WSCD1: variants seen among roughly 807,000 people sequenced by gnomAD.
WSCD1 encodes sialate:O-sulfotransferase 1.
A neutral mutation model predicts 60.4 loss-of-function variants in WSCD1; 41 were observed. The ratio of observed to expected loss-of-function variants is 0.68; its 90% CI spans 0.53 to 0.88. The LOEUF (loss-of-function observed/expected upper bound fraction) is 0.88. WSCD1 is among the 40% of genes least tolerant of loss of function. The pLI, the probability that WSCD1 is intolerant of heterozygous loss-of-function variation, is 0.00. For synonymous variants in WSCD1, 361 were observed against 332.5 expected, an observed-to-expected ratio of 1.09 and a Z score of -0.93; for missense variants, 784 against 796.2, an observed-to-expected ratio of 0.98 and a Z score of 0.18.
chr17:6,110,936 G>A lies in WSCD1; in HGVS notation c.1174+1G>A, dbSNP rs768644758. 6.3e-7 allele frequency: 1 copy of A among 1,594,206 alleles called. No individual in the cohort carries two copies. Among genetic ancestry groups the A allele is most frequent in the African/African-American group, 1.3e-5 (1 of 74,488 alleles). On this transcript the variant is annotated splice_donor_variant, in intron 7 of 8. Transcript: ENST00000317744. LOFTEE classifies it high-confidence loss of function. The surrounding 1 kb of genome is among the most constrained non-coding windows in gnomAD (Gnocchi z 4.8). ...TTTGATGGAACCCTCTACAACAAAG[G>A]TAAGTCAAAGCTACAGGGGACGATG...
At position 6,080,899 on chromosome 17, in the gene WSCD1, C is replaced by A; in HGVS notation, c.241C>A (p.Leu81Met). The change falls in exon 2 of 9, where the codon CTG becomes ATG. Residue 81 changes from leucine to methionine, a missense_variant. Coordinates refer to ENST00000317744, the MANE Select transcript of WSCD1 (RefSeq NM_015253.2). This position sits in a 1 kb window ranked among gnomAD's most constrained non-coding sequence, Gnocchi z 6.6. Reference sequence around the variant, plus strand: ...GCACGACCCTCGAGTCAGCCCAGAGCTGCTGCTGGGTGTGGACATGCTGCA... The same window carrying A: ...GCACGACCCTCGAGTCAGCCCAGAGATGCTGCTGGGTGTGGACATGCTGCA... ...ALHDPRVSPE[L>M]LLGVDMLQSP... The A allele has an allele frequency of 1.3e-6, 2 of 1,599,610 alleles. No homozygotes were observed. Among genetic ancestry groups the A allele is most frequent in the Non-Finnish European group, 1.7e-6 (2 of 1,177,058 alleles).
intron 8 of WSCD1, among the ~76,000 whole-genome samples, chr17:6,119,761 T>C (rs1904537417): frequency 6.6e-6 from 1 of 152,064 alleles, no homozygotes. Flanking sequence ...ATTGTGAAGA[T>C]TAGAGAAAGC....
Position 6,110,850 on chromosome 17 carries a change from G to A in WSCD1, c.1089G>A (p.Gly363=). The A allele has an allele frequency of 6.2e-7, 1 of 1,613,960 alleles. No homozygotes were observed. Among genetic ancestry groups the A allele is most frequent in the South Asian group, 1.1e-5 (1 of 91,052 alleles). ...FVALSSFPGA[G]NTWARHLIEH... ...CTTTGTCAAGCTTCCCAGGAGCCGG[G>A]AACACATGGGCACGGCACCTCATTG... The change falls in exon 7 of 9, where the codon GGG becomes GGA. Residue 363 remains glycine, a synonymous_variant. Coordinates refer to ENST00000317744, the MANE Select transcript of WSCD1 (RefSeq NM_015253.2). The surrounding 1 kb of genome is among the most constrained non-coding windows in gnomAD (Gnocchi z 4.8).
intron 5 of WSCD1, among the ~76,000 whole-genome samples, chr17:6,105,252 T>G (rs1911021538): frequency 6.6e-6 from 1 of 152,208 alleles, no homozygotes; most frequent in South Asian, 2.1e-4. Context: ...AGGATCAGGA[T>G]GAGGATGCAT....
chr17:6,094,450 A>G (rs1910256983), intron 4 of WSCD1, among the ~76,000 whole-genome samples: 1 of 152,162 alleles, frequency 6.6e-6, no homozygotes, highest in Non-Finnish European at 1.5e-5. Context: ...TTCCGGTAGG[A>G]CATTGAATTT....
intron 3 of WSCD1, 35 bp downstream of exon 3, chr17:6,088,139 G>A: frequency 1.3e-6 from 2 of 1,584,580 alleles, no homozygotes; most frequent in Non-Finnish European, 1.7e-6. Flanking sequence ...TGATTCTAGA[G>A]GCAGGAAGGT....
chr17:6,076,973 T>A lies in WSCD1; in HGVS notation c.-288-3398T>A, dbSNP rs570935157. Among the ~76,000 whole-genome samples, 3 of 152,256 alleles carry A rather than the reference T, an allele frequency of 2.0e-5. No homozygotes were observed. The South Asian group carries it at 6.2e-4, about 32-fold the overall frequency. On this transcript the variant is annotated intron_variant, in intron 1 of 8. Transcript: ENST00000317744. ...GAACATGGAGATAAACGAGGTGTGGTCTGTGCCCTGGAGGGGGGCTGCCAG... is the reference window on the plus strand; with the variant it reads ...GAACATGGAGATAAACGAGGTGTGGACTGTGCCCTGGAGGGGGGCTGCCAG...
chr17:6,094,988 G>T (rs186522840), intron 4 of WSCD1, 114 bp from the exon 5 acceptor site: 5 of 1,468,762 alleles, frequency 3.4e-6, no homozygotes, highest in African/African-American at 2.9e-5. Context: ...ATTTGAACTC[G>T]CCTCGTAAGT....
In WSCD1 at chr17:6,120,368, C is replaced by T; in HGVS notation, c.1435C>T (p.Leu479Phe). 1.2e-6 allele frequency: 2 copies of T among 1,614,156 alleles called. No individual in the cohort carries two copies. Among genetic ancestry groups the T allele is most frequent in the African/African-American group, 1.3e-5 (1 of 75,080 alleles). ...SWWSSHVLDW[L>F]KYGKRLLVVH... is the part of the protein sequence containing the mutation. ...GTGGTCCTCGCACGTCCTGGACTGG[C>T]TCAAGTACGGGAAGCGGCTGCTGGT... The change falls in exon 9 of 9, where the codon CTC (leucine) becomes TTC (phenylalanine). Residue 479 changes from leucine to phenylalanine, a missense_variant. Leu to Phe is a conservative substitution (Grantham distance 22). Transcript: ENST00000317744.
In WSCD1 at chr17:6,109,714, T is replaced by C; in HGVS notation, c.957T>C (p.Pro319=). Residue 319 remains proline (P), a synonymous_variant, in exon 6 of 9, where the codon CCT becomes CCC. Coordinates refer to ENST00000317744, the MANE Select transcript of WSCD1 (RefSeq NM_015253.2). ...AMDSSVCGQD[P]EAQRLAEYCE... ...ACAGCTCAGTATGTGGCCAGGACCC[T>C]GAGGCACAGAGGCTGGCAGAATACT... The C allele has an allele frequency of 6.2e-7, 1 of 1,614,102 alleles. No homozygotes were observed. The highest frequency in any genetic ancestry group is 1.1e-5 in the South Asian group (1 of 91,052).
chr17:6,074,966 A>G (rs1908756973), intron 1 of WSCD1, among the ~76,000 whole-genome samples: 1 of 152,094 alleles, frequency 6.6e-6, no homozygotes, highest in Non-Finnish European at 1.5e-5. Flanking sequence ...GGGGAAAGTC[A>G]CAGGAGGGGA....
intron 5 of WSCD1, among the ~76,000 whole-genome samples, chr17:6,102,295 C>A (rs561414857): frequency 3.9e-5 from 6 of 152,190 alleles, no homozygotes; most frequent in African/African-American, 1.4e-4. Flanking sequence ...CCAATAGATT[C>A]GGTCTATCCA....
In WSCD1 at chr17:6,075,613, G is replaced by T. The variant is rs1196825377; in HGVS notation, c.-288-4758G>T. ...CCCTGAGACTTCCAGAAGCCCATTT[G>T]TTCTGTTACTCTCTTCTCATGCTTG... On this transcript the variant is annotated intron_variant, in intron 1 of 8. Transcript: ENST00000317744. The surrounding 1 kb of genome is among the most constrained non-coding windows in gnomAD (Gnocchi z 4.1). Among the ~76,000 whole-genome samples the T allele has an allele frequency of 1.3e-5, 2 of 152,170 alleles. No individual in the cohort carries two copies. The highest frequency in any genetic ancestry group is 4.8e-5 in the African/African-American group (2 of 41,452).
intron 4 of WSCD1, among the ~76,000 whole-genome samples, chr17:6,091,405 G>A (rs2150546125): frequency 6.6e-6 from 1 of 152,260 alleles, no homozygotes; most frequent in East Asian, 1.9e-4. Flanking sequence ...TGTGGCCGTG[G>A]GGCTCAGCGG....
chr17:6,088,171 G>A, intron 3 of WSCD1, 67 bp downstream of exon 3: 1 of 1,367,638 alleles, frequency 7.3e-7, no homozygotes, highest in East Asian at 2.3e-5. Context: ...TCCAGAATGA[G>A]GAGGCATATC....
intron 3 of WSCD1, among the ~76,000 whole-genome samples, chr17:6,089,067 C>T (rs1008201498): frequency 1.3e-5 from 2 of 152,236 alleles, no homozygotes; most frequent in African/African-American, 2.4e-5. Flanking sequence ...CAGGCGTGAG[C>T]CACCACACCC....
Position 6,121,643 on chromosome 17 carries a change from G to A in WSCD1, c.*982G>A, listed in dbSNP as rs1287728882. On this transcript the variant is annotated 3_prime_UTR_variant, in exon 9 of 9. Coordinates refer to ENST00000317744, the MANE Select transcript of WSCD1 (RefSeq NM_015253.2). The stretch of plus-strand genomic sequence containing the variant: ...CCTGTACACTAGCAGGATGGGTCTT[G>A]GGAGTTGGCATGGGGAGATTGTAAG... 6.6e-6 allele frequency: 1 copy of A among 152,304 alleles called. No individual in the cohort carries two copies. Among genetic ancestry groups the A allele is most frequent in the Non-Finnish European group, 1.5e-5 (1 of 68,134 alleles). 9.4% of individuals were successfully genotyped at this position (152,304 alleles called of 1,614,324 possible).
chr17:6,082,560 G>A lies in WSCD1; in HGVS notation c.427+1475G>A, dbSNP rs549680739. 2.0e-5 allele frequency among the ~76,000 whole-genome samples: 3 copies of A among 152,324 alleles called. No homozygotes were observed. In the East Asian group the frequency reaches 5.8e-4, roughly 29 times the overall value. On this transcript the variant is annotated intron_variant, in intron 2 of 8. Transcript: ENST00000317744. The stretch of plus-strand genomic sequence containing the variant: ...GAATTATGCAGACTCTCTCTGCAGG[G>A]TGCAGCAAATGTGCCTGGTGCTTGG...
chr17:6,103,515 G>A lies in WSCD1; in HGVS notation c.850-6092G>A, dbSNP rs148994844. ...TTACCTGGGGTGGTTGGTGGGTTAA[G>A]TAGGTCTGCTGTCTGGGGCTCAAGT... On this transcript the variant is annotated intron_variant, in intron 5 of 8. Coordinates refer to ENST00000317744, the MANE Select transcript of WSCD1 (RefSeq NM_015253.2). 3.7e-3 allele frequency among the ~76,000 whole-genome samples: 567 copies of A among 152,300 alleles called. 2 individuals carry two copies. Among genetic ancestry groups the A allele is most frequent in the African/African-American group, 0.013 (544 of 41,558 alleles).
Sources: gnomAD v4.1 joint callset for allele counts (sites outside exome capture counted in the v4.1 genomes callset) on GRCh38, gnomAD v4.1.1 for gene constraint, Gnocchi (gnomAD v3.1) non-coding constraint, MANE v1.5 for transcripts, NCBI Gene and HGNC (gene_info 2026-07-23, HGNC 2026-07-21) for gene names.